TTC39B: variants seen among roughly 807,000 people sequenced by gnomAD.
The protein encoded by TTC39B is tetratricopeptide repeat protein 39B.
A neutral mutation model predicts 96.6 loss-of-function variants in TTC39B; 92 were observed. The ratio of observed to expected loss-of-function variants is 0.95; its 90% confidence interval spans 0.80 to 1.13. TTC39B has a LOEUF of 1.13. Ranked by LOEUF, TTC39B falls within the 50% of genes most tolerant of loss-of-function variation. The pLI is 0.00. For missense variants in TTC39B, 955 were observed against 809.3 expected (o/e 1.18, Z -2.18); for synonymous variants, 367 against 299.4 (o/e 1.23, Z -2.33).
intron 19 of TTC39B, 42 bp from the exon 20 acceptor site, chr9:15,172,151 T>C (rs781185978): frequency 2.8e-6 from 4 of 1,435,784 alleles, no homozygotes; most frequent in South Asian, 1.2e-5. Context: ...AAAATTTCCT[T>C]ATATACCAGG....
chr9:15,235,808 A>C (rs1036206775), intron 2 of TTC39B, among the ~76,000 whole-genome samples: 4 of 152,222 alleles, frequency 2.6e-5, no homozygotes, highest in African/African-American at 9.6e-5. Context: ...AGAAATGCTG[A>C]AGGGAATTCT....
At chr9:15,298,417 G>C (rs1473032838) in intron 1 of TTC39B, among the ~76,000 whole-genome samples, 1 of 152,184 alleles carries the variant, frequency 6.6e-6, no homozygotes, top group Admixed American at 6.5e-5. Flanking sequence ...AAGAAAAAGA[G>C]GTTTAATGGA....
intron 8 of TTC39B, among the ~76,000 whole-genome samples, chr9:15,198,341 T>G (rs1388489556): frequency 6.6e-6 from 1 of 151,682 alleles, no homozygotes; most frequent in Non-Finnish European, 1.5e-5. Flanking sequence ...CCTGTAGTCC[T>G]AGCTGCTCGG....
intron 2 of TTC39B, among the ~76,000 whole-genome samples, chr9:15,266,325 C>G (rs1823129075): frequency 6.6e-6 from 1 of 151,370 alleles, no homozygotes; most frequent in African/African-American, 2.4e-5. Context: ...AGAAAAATTG[C>G]AGTCTGGAGG....
exon 10 of TTC39B, chr9:15,191,236 G>C (rs759036060): frequency 2.5e-6 from 4 of 1,609,868 alleles, no homozygotes; most frequent in Non-Finnish European, 3.4e-6. Flanking sequence ...GATAATCCTT[G>C]CTGGTAAAAG....
At chr9:15,168,419 C>CAAAAAAAAAAA (rs58738481) in exon 20 of TTC39B, 9 of 128,142 alleles carry the variant, frequency 7.0e-5, no homozygotes, top group East Asian at 4.4e-4. Flanking sequence ...AGTATAAATA[C>CAAAAAAAAAAA]AAAAAAAAAA....
intron 18 of TTC39B, 24 bp from the exon 19 acceptor site, chr9:15,175,159 G>A (rs1353488937): frequency 1.3e-6 from 2 of 1,494,546 alleles, no homozygotes; most frequent in African/African-American, 1.4e-5. Flanking sequence ...GGAAAATCAA[G>A]TAAATCTTAA....
intron 8 of TTC39B, among the ~76,000 whole-genome samples, chr9:15,195,234 C>T (rs1054256155): frequency 6.6e-6 from 1 of 152,164 alleles, no homozygotes; most frequent in African/African-American, 2.4e-5. Flanking sequence ...CCACAACACT[C>T]CCTTAAGCCA....
At chr9:15,167,026 A>AT (rs1817541466) in exon 20 of TTC39B, 1 of 11,586 alleles carries the variant, frequency 8.6e-5, no homozygotes, top group African/African-American at 3.0e-4. Flanking sequence ...ATATATATAT[A>AT]TATTTTTTTT....
intron 1 of TTC39B, among the ~76,000 whole-genome samples, chr9:15,284,287 T>C (rs1160873131): frequency 6.6e-6 from 1 of 152,248 alleles, no homozygotes; most frequent in African/African-American, 2.4e-5. Context: ...AAAATAAGCA[T>C]ATACTATCAT....
chr9:15,204,626 G>C (rs1004635845), intron 6 of TTC39B, among the ~76,000 whole-genome samples: 1 of 152,028 alleles, frequency 6.6e-6, no homozygotes, highest in African/African-American at 2.4e-5. Flanking sequence ...TGAAGGTATG[G>C]TAACCATGAC....
chr9:15,181,889 TCA>T (rs1281819486), intron 17 of TTC39B, among the ~76,000 whole-genome samples: 1 of 152,132 alleles, frequency 6.6e-6, no homozygotes, highest in Non-Finnish European at 1.5e-5. Flanking sequence ...TTTAGGATAT[TCA>T]CAGAGTTGTA....
At chr9:15,295,669 G>C (rs1229405623) in intron 1 of TTC39B, among the ~76,000 whole-genome samples, 1 of 152,238 alleles carries the variant, frequency 6.6e-6, no homozygotes, top group East Asian at 1.9e-4. Context: ...TTGCATTTTA[G>C]TAGTACCTTC....
At chr9:15,263,215 C>T (rs1823006780) in intron 2 of TTC39B, among the ~76,000 whole-genome samples, 1 of 152,116 alleles carries the variant, frequency 6.6e-6, no homozygotes, top group Non-Finnish European at 1.5e-5. Context: ...CCTATTGGTT[C>T]TATTTGTCTG....
At chr9:15,214,069 A>C in intron 4 of TTC39B, 70 bp downstream of exon 4, 1 of 1,189,802 alleles carries the variant, frequency 8.4e-7, no homozygotes, top group Non-Finnish European at 1.2e-6. Context: ...ATTAATTTAC[A>C]AGCATGACAT....
chr9:15,167,263 C>G (rs1343879091), exon 20 of TTC39B: 3 of 130,184 alleles, frequency 2.3e-5, no homozygotes, highest in Admixed American at 8.3e-5. Context: ...CCAGGCTGGC[C>G]TCAAACCCCT....
intron 3 of TTC39B, chr9:15,224,489 T>A (rs1202573024): frequency 1.3e-5 from 2 of 152,310 alleles, no homozygotes; most frequent in Non-Finnish European, 2.9e-5. Flanking sequence ...CATTCTCTTC[T>A]CTTTTGTTAT....
chr9:15,291,154 T>A (rs1487229170), intron 1 of TTC39B, among the ~76,000 whole-genome samples: 1 of 152,210 alleles, frequency 6.6e-6, no homozygotes, highest in Non-Finnish European at 1.5e-5. Flanking sequence ...ATTGTCCACA[T>A]GAATAATTTG....
intron 7 of TTC39B, among the ~76,000 whole-genome samples, chr9:15,203,375 C>T (rs1178995180): frequency 2.0e-5 from 3 of 151,648 alleles, no homozygotes; most frequent in African/African-American, 7.3e-5. Context: ...CTCAGCCTCC[C>T]GGGTAGCTGG....
Sources: allele counts gnomAD v4.1 joint callset (sites outside exome capture counted in the v4.1 genomes callset), GRCh38; gene constraint gnomAD v4.1.1; transcripts MANE v1.5; gene names NCBI Gene and HGNC (gene_info 2026-07-23, HGNC 2026-07-21).